The following DNAH7 variants were observed in gnomAD, a reference collection of about 807,000 sequenced individuals.
DNAH7 encodes axonemal beta dynein heavy chain 7.
DNAH7 carries 397 observed loss-of-function variants against 444.6 expected under a neutral mutation model. The observed-to-expected ratio is 0.89, with a 90% CI of 0.82 to 0.97. DNAH7 has a LOEUF of 0.97. Ranked by LOEUF, DNAH7 falls within the 50% of genes least tolerant of loss-of-function variation. The pLI is 0.00. For missense variants in DNAH7, 4,902 were observed against 4,800.8 expected, an observed-to-expected ratio of 1.02 and a Z score of -0.62; for synonymous variants, 1,636 against 1,624.4, an observed-to-expected ratio of 1.01 and a Z score of -0.17.
chr2:195,991,466 C>A (rs941130357), intron 12 of DNAH7, among the ~76,000 whole-genome samples: 2 of 152,012 alleles, frequency 1.3e-5, no homozygotes, highest in Admixed American at 6.6e-5. Context: ...ACAAGAACCA[C>A]AACAAAAATA....
chr2:196,033,202 G>C (rs1248537418), intron 5 of DNAH7, among the ~76,000 whole-genome samples: 2 of 152,108 alleles, frequency 1.3e-5, no homozygotes, highest in South Asian at 2.1e-4. Context: ...ATTTATAGTT[G>C]TATATGATTA....
intron 16 of DNAH7, among the ~76,000 whole-genome samples, chr2:195,971,334 C>A (rs1409081488): frequency 1.3e-5 from 2 of 152,144 alleles, no homozygotes; most frequent in African/African-American, 4.8e-5. Flanking sequence ...ATGCTCACAG[C>A]ATTTCTGTGT....
Position 195,864,871 on chromosome 2 carries a change from C to A in DNAH7, c.6784G>T (p.Ala2262Ser), listed in dbSNP as rs764263423. 6.2e-7 allele frequency: 1 copy of A among 1,614,094 alleles called. No individual in the cohort carries two copies. The highest frequency in any genetic ancestry group is 1.3e-5 in the African/African-American group (1 of 75,044). The part of the protein sequence containing the change: ...LDFDNDGMVE[A>S]DDLRSLMFCD... ...AACATTAAGCTGCGTAAGTCATCTGCTTCCACCATGCCATCATTATCAAAA... is the reference window on the plus strand; with the variant it reads ...AACATTAAGCTGCGTAAGTCATCTGATTCCACCATGCCATCATTATCAAAA... Residue 2262 changes from alanine to serine, a missense_variant, in exon 41 of 65, where the codon GCA becomes TCA. By Grantham distance (99) the Ala-to-Ser change is moderately conservative (BLOSUM62 1). Coordinates refer to ENST00000312428, the MANE Select transcript of DNAH7 (RefSeq NM_018897.3).
intron 57 of DNAH7, among the ~76,000 whole-genome samples, chr2:195,787,443 G>A (rs941167893): frequency 1.3e-5 from 2 of 152,094 alleles, no homozygotes; most frequent in Admixed American, 6.5e-5. Flanking sequence ...TTAATGCTGC[G>A]TTACAGATTT....
At chr2:195,973,660 T>C (rs1300272049) in intron 15 of DNAH7, among the ~76,000 whole-genome samples, 1 of 152,046 alleles carries the variant, frequency 6.6e-6, no homozygotes, top group Non-Finnish European at 1.5e-5. Context: ...TGAGTAGAGA[T>C]GGGGTTTCAC....
chr2:195,945,466 C>A (rs535920909), intron 19 of DNAH7, among the ~76,000 whole-genome samples: 1 of 152,262 alleles, frequency 6.6e-6, no homozygotes, highest in African/African-American at 2.4e-5. Flanking sequence ...GTCATGTGTT[C>A]ACGATCTTCC....
intron 4 of DNAH7, 113 bp downstream of exon 4, chr2:196,048,183 T>C: frequency 1.1e-6 from 1 of 887,870 alleles, no homozygotes; most frequent in Non-Finnish European, 1.6e-6. Flanking sequence ...TTTTTTCTAC[T>C]TGACATTAAT....
intron 59 of DNAH7, among the ~76,000 whole-genome samples, 187 bp from the exon 60 acceptor site, chr2:195,776,170 G>A (rs769351939): frequency 2.6e-5 from 4 of 152,234 alleles, no homozygotes; most frequent in South Asian, 2.1e-4. Context: ...ACAGCTAGGC[G>A]CGGTGGCTCA....
intron 54 of DNAH7, 91 bp from the exon 55 acceptor site, chr2:195,799,563 T>G: frequency 2.6e-6 from 3 of 1,142,780 alleles, no homozygotes; most frequent in Non-Finnish European, 2.4e-6. Context: ...TAAAACAAAA[T>G]ACCCTAGCTC....
At chr2:195,872,174 A>G (rs1034571410) in intron 40 of DNAH7, 76 bp downstream of exon 40, 166 of 1,175,128 alleles carry the variant, frequency 1.4e-4, no homozygotes, top group Non-Finnish European at 2.0e-4. Context: ...ATTGAAGAAT[A>G]TTCTTTTTAC....
chr2:196,035,135 T>C (rs970682409), intron 5 of DNAH7, among the ~76,000 whole-genome samples: 2 of 151,840 alleles, frequency 1.3e-5, no homozygotes, highest in African/African-American at 4.8e-5. Context: ...TGAGCCAAGA[T>C]CACGCCACTG....
At chr2:195,989,947 T>C (rs1693190177) in intron 12 of DNAH7, among the ~76,000 whole-genome samples, 2 of 152,226 alleles carry the variant, frequency 1.3e-5, no homozygotes, top group Admixed American at 6.5e-5. Flanking sequence ...TTTAAATAAA[T>C]TATCCAGTCT....
rs540491743 is a variant in DNAH7, at chr2:196,018,006, T to C, written c.869+1164A>G. ...ACTATAAACTCAGTCAATGGACAAA[T>C]TATAAACCTAAGTTTTAGCAGTTGT... On this transcript the variant is annotated intron_variant, in intron 9 of 64. Transcript: ENST00000312428. 1.1e-4 allele frequency among the ~76,000 whole-genome samples: 16 copies of C among 152,194 alleles called. No individual in the cohort carries two copies. The South Asian group carries it at 3.3e-3, about 32-fold the overall frequency.
In DNAH7 at chr2:195,775,905, C is replaced by G. The variant is rs201126732; in HGVS notation, c.11143G>C (p.Asp3715His). The G allele has an allele frequency of 2.5e-6, 4 of 1,614,176 alleles. No homozygotes were observed. The highest frequency in any genetic ancestry group is 3.4e-6 in the Non-Finnish European group (4 of 1,180,018). The change falls in exon 60 of 65, where the codon GAT becomes CAT. Residue 3715 changes from aspartate to histidine, a missense_variant. Coordinates refer to ENST00000312428, the MANE Select transcript of DNAH7 (RefSeq NM_018897.3). ...GTTTCTGACTGATCCTTAGTGATAT[C>G]TGCATTGGCATTCATCCCAAAGATT... is the stretch of plus-strand genomic sequence containing the variant. ...PEIFGMNANA[D>H]ITKDQSETQL... is the part of the protein sequence containing the mutation.
chr2:195,754,460 TGAA>T lies in DNAH7; in HGVS notation c.11638_11640del (p.Phe3880del), dbSNP rs755477187. ...TGGGCACCGGTCAGGAAGGCTTGTG[TGAA>T]GAAGAAGCCAGAAAGCCAGAAGACT... is the stretch of plus-strand genomic sequence containing the variant. On this transcript the variant is annotated inframe_deletion, in exon 63 of 65. Transcript: ENST00000312428. 77 of 1,614,076 alleles carry T rather than the reference TGAA, an allele frequency of 4.8e-5. No homozygotes were observed. The East Asian group carries it at 1.5e-3, about 32-fold the overall frequency.
In DNAH7 at chr2:195,876,444, A is replaced by T. The variant is rs957911710; in HGVS notation, c.6117+100T>A. On this transcript the variant is annotated intron_variant, in intron 37 of 64. Coordinates refer to ENST00000312428, the MANE Select transcript of DNAH7 (RefSeq NM_018897.3). The stretch of plus-strand genomic sequence containing the variant: ...TAATCCAAATTTGTGACATTAAAAA[A>T]CTATACAAAAAGATGTCTCTCCCCA... 14 of 1,220,972 alleles carry T rather than the reference A, an allele frequency of 1.1e-5. No individual in the cohort carries two copies. The African/African-American group carries it at 1.9e-4, about 16-fold the overall frequency. The allele number at this position is 1,220,972 out of a possible 1,614,324, so 75.6% of individuals were successfully genotyped here.
chr2:196,030,840 C>G lies in DNAH7; in HGVS notation c.399-2793G>C, dbSNP rs116099183. Among the ~76,000 whole-genome samples, 181 of 152,342 alleles carry G rather than the reference C, an allele frequency of 1.2e-3. 1 individual carries two copies. Among genetic ancestry groups the G allele is most frequent in the Non-Finnish European group, 2.0e-3 (134 of 68,026 alleles). On this transcript the variant is annotated intron_variant, in intron 5 of 64. Coordinates refer to ENST00000312428, the MANE Select transcript of DNAH7 (RefSeq NM_018897.3). The stretch of plus-strand genomic sequence containing the variant: ...TGCCCTGTGGCTTTTCAGGGTACAG[C>G]CTCACTCTTGGCTGCTTTCACAGAC...
At chr2:196,057,204 G>A (rs766294450) in intron 2 of DNAH7, among the ~76,000 whole-genome samples, 7 of 152,032 alleles carry the variant, frequency 4.6e-5, no homozygotes, top group Non-Finnish European at 1.5e-5. Flanking sequence ...CAAAGGATAC[G>A]GAAGGAAAAT....
chr2:195,939,503 T>A (rs1689277933), intron 19 of DNAH7, among the ~76,000 whole-genome samples: 1 of 152,248 alleles, frequency 6.6e-6, no homozygotes, highest in East Asian at 1.9e-4. Context: ...GGCTGGTACT[T>A]CATAGCTATG....
Sources: allele counts gnomAD v4.1 joint callset (sites outside exome capture counted in the v4.1 genomes callset), GRCh38; gene constraint gnomAD v4.1.1; transcripts MANE v1.5; gene names NCBI Gene and HGNC (gene_info 2026-07-23, HGNC 2026-07-21).